Variants in ZMYND8 observed in about 807,000 individuals in gnomAD.
ZMYND8 encodes the protein MYND-type zinc finger-containing chromatin reader ZMYND8.
In ZMYND8, 37 loss-of-function variants were observed where a neutral mutation model predicts 140.8. The ratio of observed to expected loss-of-function variants is 0.26; its 90% CI spans 0.20 to 0.35. ZMYND8 has a LOEUF of 0.35. Among genes scored for constraint, ZMYND8 ranks in the 10% least tolerant of loss-of-function variants. The probability of loss-of-function intolerance (pLI) is 1.00; values close to 1 mark genes in which losing one functional copy is unlikely to be tolerated. For missense variants in ZMYND8, 1,068 were observed against 1,570.0 expected (o/e 0.68, Z 5.40); for synonymous variants, 592 against 597.1 (o/e 0.99, Z 0.12).
At chr20:47,351,701 A>G in intron 1 of ZMYND8, 10 of 985,446 alleles carry the variant, frequency 1.0e-5, no homozygotes, top group Non-Finnish European at 1.2e-5. Flanking sequence ...GCTTTATATA[A>G]GCACTCACCT....
rs1569114793 is a variant in ZMYND8, at chr20:47,291,855, G to A, written c.601C>T (p.Gln201Ter). The A allele has an allele frequency of 6.2e-7, 1 of 1,613,250 alleles. No individual in the cohort carries two copies. The highest frequency in any genetic ancestry group is 8.5e-7 in the Non-Finnish European group (1 of 1,179,622). The change falls in exon 6 of 23, where the codon CAG becomes TAG. Residue 201 changes from glutamine to a stop codon, truncating the protein, a stop_gained. Coordinates refer to ENST00000471951, the MANE Select transcript of ZMYND8 (RefSeq NM_001281775.3). LOFTEE classifies it high-confidence loss of function. ...ATGTATTCCGCATAGTCAGGGTGCT[G>A]TTCCAATGGAACGGGCTTCTGGAAT... ...DAFQKPVPLE[Q>*]HPDYAEYIFH...
chr20:47,276,514 G>C lies in ZMYND8; in HGVS notation c.1280C>G (p.Pro427Arg). 6.2e-7 allele frequency: 1 copy of C among 1,614,048 alleles called. No homozygotes were observed. The highest frequency in any genetic ancestry group is 1.1e-5 in the South Asian group (1 of 91,076). The change falls in exon 11 of 23, where the codon CCC becomes CGC. Residue 427 changes from proline to arginine, a missense_variant. This residue lies in a region of ZMYND8 where 173 missense variants were observed against 223.3 expected (regional missense o/e 0.77). Coordinates refer to ENST00000471951, the MANE Select transcript of ZMYND8 (RefSeq NM_001281775.3). The stretch of plus-strand genomic sequence containing the variant: ...CACAGGCTTGCTCATCAGGATCTTG[G>C]GGGATGCCGTCATGTCAAAGTTGAG... ...VKLNFDMTAS[P>R]KILMSKPVLS...
At chr20:47,215,047 C>G (rs2035875500) in intron 21 of ZMYND8, among the ~76,000 whole-genome samples, 1 of 152,116 alleles carries the variant, frequency 6.6e-6, no homozygotes, top group Admixed American at 6.6e-5. Context: ...AAGGCAAGAT[C>G]CTGTCTCTTA....
intron 2 of ZMYND8, among the ~76,000 whole-genome samples, chr20:47,332,267 T>A (rs763382797): frequency 6.6e-6 from 1 of 152,028 alleles, no homozygotes; most frequent in Non-Finnish European, 1.5e-5. Flanking sequence ...GCCAAAATTG[T>A]GCCACTGCAC....
chr20:47,224,454 T>C lies in ZMYND8; in HGVS notation c.3119A>G (p.Asp1040Gly), dbSNP rs76132255. 6.2e-7 allele frequency: 1 copy of C among 1,614,234 alleles called. No homozygotes were observed. The highest frequency in any genetic ancestry group is 1.7e-5 in the Admixed American group (1 of 60,032). Residue 1040 changes from aspartate to glycine, a missense_variant, in exon 19 of 23, where the codon GAT becomes GGT. Around this residue, in one of 10 missense-constraint regions of ZMYND8, gnomAD observed 87 missense variants for 151.1 expected, o/e 0.58. Coordinates refer to ENST00000471951, the MANE Select transcript of ZMYND8 (RefSeq NM_001281775.3). ...GCACCACTGCTTCTTCTTGGTCTCA[T>C]CCACCGCCTGCTGCTTCTCCAACTC... is the stretch of plus-strand genomic sequence containing the variant. ...QLELEKQQAV[D>G]ETKKKQWCAN...
chr20:47,290,680 C>T (rs1455784470), intron 6 of ZMYND8, among the ~76,000 whole-genome samples: 2 of 148,048 alleles, frequency 1.4e-5, no homozygotes, highest in African/African-American at 5.0e-5. Context: ...CAACCTCCAC[C>T]TCCCGGGTTC....
intron 2 of ZMYND8, among the ~76,000 whole-genome samples, chr20:47,321,164 T>A (rs1235893317): frequency 6.6e-6 from 1 of 152,156 alleles, no homozygotes; most frequent in Non-Finnish European, 1.5e-5. Flanking sequence ...AATGACAATA[T>A]TTATGGAACA....
Position 47,221,201 on chromosome 20 carries a change from G to T in ZMYND8, c.3417+113C>A. The T allele has an allele frequency of 7.0e-7, 1 of 1,428,864 alleles. No homozygotes were observed. The highest frequency in any genetic ancestry group is 1.3e-5 in the South Asian group (1 of 75,564). The allele number at this position is 1,428,864 out of a possible 1,614,324, so 88.5% of individuals were successfully genotyped here. A position where few individuals can be genotyped will look rare whatever the true frequency, so the allele number is the denominator to read the frequency against. On this transcript the variant is annotated intron_variant, in intron 20 of 22. Coordinates refer to ENST00000471951, the MANE Select transcript of ZMYND8 (RefSeq NM_001281775.3). Reference sequence around the variant, plus strand: ...CATCCACTGGAAATGCCGGCACACTGTTAGGACAAGCCTCCCACAACACGG... The same window carrying T: ...CATCCACTGGAAATGCCGGCACACTTTTAGGACAAGCCTCCCACAACACGG...
intron 7 of ZMYND8, among the ~76,000 whole-genome samples, chr20:47,289,612 G>GA (rs11423749): frequency 0.64 from 94,099 of 147,018 alleles, 30,994 homozygotes; most frequent in African/African-American, 0.82. Context: ...TTGATCGAAT[G>GA]AAAAAAAAAA....
At chr20:47,291,924 T>C (rs371106572) in intron 5 of ZMYND8, 36 bp from the exon 6 acceptor site, 28 of 1,563,586 alleles carry the variant, frequency 1.8e-5, no homozygotes, top group Middle Eastern at 1.9e-4. Context: ...AACGAACCCA[T>C]CATTACTATG....
In ZMYND8 at chr20:47,279,797, T is replaced by C. The variant is rs557383640; in HGVS notation, c.998+2305A>G. On this transcript the variant is annotated intron_variant, in intron 10 of 22. Transcript: ENST00000471951. ...AACTCTGCAGGCATTTAATAAAATATTTCCTATATTTTTACATAACTGTGC... is the reference window on the plus strand; with the variant it reads ...AACTCTGCAGGCATTTAATAAAATACTTCCTATATTTTTACATAACTGTGC... 1.4e-4 allele frequency among the ~76,000 whole-genome samples: 22 copies of C among 151,924 alleles called. No individual in the cohort carries two copies. In the South Asian group the frequency reaches 4.4e-3, roughly 30 times the overall value.
At chr20:47,275,088 C>A (rs1030972196) in intron 11 of ZMYND8, among the ~76,000 whole-genome samples, 2 of 152,202 alleles carry the variant, frequency 1.3e-5, no homozygotes, top group African/African-American at 4.8e-5. Flanking sequence ...GGTACTCCAA[C>A]CTGCTTTATT....
intron 2 of ZMYND8, among the ~76,000 whole-genome samples, chr20:47,335,565 C>A (rs1293348716): frequency 6.6e-6 from 1 of 152,096 alleles, no homozygotes; most frequent in African/African-American, 2.4e-5. Context: ...AAGGCCTCAG[C>A]CCTGATATGC....
rs577263260 is a variant in ZMYND8 at position 47,347,779 on chromosome 20, C to G, written c.85+77G>C. 34 of 1,450,034 alleles carry G rather than the reference C, an allele frequency of 2.3e-5. No homozygotes were observed. The Middle Eastern group carries it at 6.4e-4, about 27-fold the overall frequency. The allele number at this position is 1,450,034 out of a possible 1,614,324, so 89.8% of individuals were successfully genotyped here. On this transcript the variant is annotated intron_variant, in intron 2 of 22. Coordinates refer to ENST00000471951, the MANE Select transcript of ZMYND8 (RefSeq NM_001281775.3). ...CGTCGGCTCAGAGAGCCACACACTT[C>G]ACTGCACTACAACAACAAAAAGAAA...
At chr20:47,232,421 G>T (rs927161925) in intron 16 of ZMYND8, among the ~76,000 whole-genome samples, 31 of 150,782 alleles carry the variant, frequency 2.1e-4, no homozygotes, top group African/African-American at 7.4e-4. Context: ...AGTGTCAAGG[G>T]GAGCTGGGGT....
chr20:47,325,098 T>A (rs1244047879), intron 2 of ZMYND8, among the ~76,000 whole-genome samples: 1 of 152,006 alleles, frequency 6.6e-6, no homozygotes, highest in African/African-American at 2.4e-5. Flanking sequence ...AGAGACGGGG[T>A]TTCACCATGT....
Position 47,318,819 on chromosome 20 carries a change from G to A in ZMYND8, c.86-8615C>T, listed in dbSNP as rs946068183. The stretch of plus-strand genomic sequence containing the variant: ...CTCATCCAGAGCCGGGATAGGGAGG[G>A]CTGGAATGGAAATGAGGCTGTGGAA... On this transcript the variant is annotated intron_variant, in intron 2 of 22. Coordinates refer to ENST00000471951, the MANE Select transcript of ZMYND8 (RefSeq NM_001281775.3). 46 of 612,398 alleles carry A rather than the reference G, an allele frequency of 7.5e-5. No individual in the cohort carries two copies. In the African/African-American group the frequency reaches 8.7e-4, roughly 12 times the overall value. The allele number at this position is 612,398 out of a possible 1,614,324, so 37.9% of individuals were successfully genotyped here. A position where few individuals can be genotyped will look rare whatever the true frequency, so the allele number is the denominator to read the frequency against.
At chr20:47,309,647 A>T (rs1440263670) in intron 3 of ZMYND8, among the ~76,000 whole-genome samples, 1 of 152,126 alleles carries the variant, frequency 6.6e-6, no homozygotes, top group Non-Finnish European at 1.5e-5. Context: ...CTGAGGCCAG[A>T]AGGGAACTTG....
At chr20:47,266,254 T>C (rs1428481112) in intron 11 of ZMYND8, among the ~76,000 whole-genome samples, 20 of 135,014 alleles carry the variant, frequency 1.5e-4, no homozygotes. Context: ...CAAACACACC[T>C]GGATCATTCT....
Sources: gnomAD v4.1 joint callset for allele counts (sites outside exome capture counted in the v4.1 genomes callset) on GRCh38, gnomAD v4.1.1 for gene constraint, gnomAD v4.1.1 regional missense constraint, MANE v1.5 for transcripts, NCBI Gene and HGNC (gene_info 2026-07-23, HGNC 2026-07-21) for gene names.